The following APPL1 variants were observed in gnomAD, a reference collection of about 807,000 sequenced individuals.
APPL1 encodes the protein adaptor protein, phosphotyrosine interacting with PH domain and leucine zipper 1, also known as DCC-interacting protein 13-alpha.
In APPL1, 42 loss-of-function variants were observed where a neutral mutation model predicts 106.8. That is an observed-to-expected ratio of 0.39 (90% confidence interval 0.31 to 0.51). The LOEUF is 0.51. APPL1 is among the 20% of genes least tolerant of loss of function. The pLI, the probability that APPL1 is intolerant of heterozygous loss-of-function variation, is 0.75. For missense variants in APPL1, 769 were observed against 858.2 expected, an observed-to-expected ratio of 0.90 and a Z score of 1.30; for synonymous variants, 263 against 281.8, an observed-to-expected ratio of 0.93 and a Z score of 0.67.
At position 57,260,722 on chromosome 3, in the gene APPL1, G is replaced by A. The variant is rs2060860786; in HGVS notation, c.1790G>A (p.Ser597Asn). ...CGGACATCAAGCGGGAGAAGTGAAA[G>A]TAATCTGTCATCAGTCTGCTATATA... Reference protein sequence around the residue: ...VLRTSSGRSESNLSSVCYIFE... With the variant: ...VLRTSSGRSENNLSSVCYIFE... Residue 597 changes from serine to asparagine, a missense_variant, in exon 19 of 22, where the codon AGT becomes AAT. Coordinates refer to ENST00000288266, the MANE Select transcript of APPL1 (RefSeq NM_012096.3). The A allele has an allele frequency of 1.2e-6, 2 of 1,612,568 alleles. No individual in the cohort carries two copies. The highest frequency in any genetic ancestry group is 8.5e-7 in the Non-Finnish European group (1 of 1,179,074).
chr3:57,238,101 A>G lies in APPL1; in HGVS notation c.270A>G (p.Ser90=). ...EVMSSTLQQF[S]KVIDELSSCH... ...TGAGCTCTACATTGCAACAGTTTTC[A>G]AAAGTTATAGATGAGGTAAACGTTT... The change falls in exon 4 of 22, where the codon TCA becomes TCG. Residue 90 remains serine, a synonymous_variant. Transcript: ENST00000288266. 2 of 1,610,848 alleles carry G rather than the reference A, an allele frequency of 1.2e-6. No individual in the cohort carries two copies. Among genetic ancestry groups the G allele is most frequent in the East Asian group, 2.2e-5 (1 of 44,784 alleles).
rs1230556409 is a variant in APPL1, at chr3:57,270,923, A to T, written c.*1236A>T. 1.3e-5 allele frequency: 2 copies of T among 152,174 alleles called. No homozygotes were observed. Among genetic ancestry groups the T allele is most frequent in the Non-Finnish European group, 2.9e-5 (2 of 68,008 alleles). 9.4% of individuals were successfully genotyped at this position (152,174 alleles called of 1,614,324 possible). A position where few individuals can be genotyped will look rare whatever the true frequency, so the allele number is the denominator to read the frequency against. The stretch of plus-strand genomic sequence containing the variant: ...GCCAAGGTTAAAATAACATTTCTCT[A>T]CTGCCTATTGTTTATGTTAAACCTT... On this transcript the variant is annotated 3_prime_UTR_variant, in exon 22 of 22. Coordinates refer to ENST00000288266, the MANE Select transcript of APPL1 (RefSeq NM_012096.3).
intron 12 of APPL1, among the ~76,000 whole-genome samples, chr3:57,252,733 A>C (rs895970752): frequency 6.6e-6 from 1 of 152,218 alleles, no homozygotes; most frequent in Non-Finnish European, 1.5e-5. Context: ...GAAATGAAAG[A>C]TAGAAAAACA....
At chr3:57,256,493 C>T (rs1256073271) in intron 13 of APPL1, among the ~76,000 whole-genome samples, 2 of 152,090 alleles carry the variant, frequency 1.3e-5, no homozygotes, top group Non-Finnish European at 2.9e-5. Context: ...GAAAACTTTA[C>T]CAGCATAGTT....
Position 57,253,689 on chromosome 3 carries a change from G to T in APPL1, c.1103G>T (p.Cys368Phe). 1 of 1,445,954 alleles carries T rather than the reference G, an allele frequency of 6.9e-7. No individual in the cohort carries two copies. Among genetic ancestry groups the T allele is most frequent in the Non-Finnish European group, 9.2e-7 (1 of 1,091,882 alleles). 89.6% of individuals were successfully genotyped at this position (1,445,954 alleles called of 1,614,324 possible). Residue 368 changes from cysteine to phenylalanine, a missense_variant, in exon 13 of 22, where the codon TGT (cysteine) becomes TTT (phenylalanine). Transcript: ENST00000288266. ...TATTTTTTCCTCTTGCAGTGGATCT[G>T]TACAATAAACAACATATCTAAACAA... ...ESKKDHEEWI[C>F]TINNISKQIY...
At chr3:57,240,590 T>C in intron 5 of APPL1, 38 bp downstream of exon 5, 1 of 1,527,688 alleles carries the variant, frequency 6.5e-7, no homozygotes, top group Non-Finnish European at 9.1e-7. Context: ...TCATTGGCTG[T>C]GAGATCAACA....
Position 57,227,818 on chromosome 3 carries a change from G to C in APPL1, c.-66G>C, listed in dbSNP as rs1579374138. 1 of 1,357,042 alleles carries C rather than the reference G, an allele frequency of 7.4e-7. No individual in the cohort carries two copies. 84.1% of individuals were successfully genotyped at this position (1,357,042 alleles called of 1,614,324 possible). ...GGGCGGGCCGGGGTCAGCTGCGGCG[G>C]GCGGGCCGGCGCGGGGAGCTGTGGG... On this transcript the variant is annotated 5_prime_UTR_variant, in exon 1 of 22. Transcript: ENST00000288266.
chr3:57,266,240 T>G (rs578097610), intron 19 of APPL1, among the ~76,000 whole-genome samples: 1 of 152,208 alleles, frequency 6.6e-6, no homozygotes, highest in Admixed American at 6.5e-5. Flanking sequence ...CCTTCTCCTC[T>G]ATTTTTTGGA....
chr3:57,259,848 C>G lies in APPL1; in HGVS notation c.1487C>G (p.Ser496Cys). Residue 496 changes from serine to cysteine, a missense_variant, in exon 17 of 22, where the codon TCT becomes TGT. Ser to Cys is a moderately radical substitution (Grantham distance 112). Transcript: ENST00000288266. ...AATACACCTTGTTCTATTATAGATT[C>G]TATTCTTCATCAGTTATTTATTGTC... ...GGSTKSETED[S>C]ILHQLFIVRF... 6.3e-7 allele frequency: 1 copy of G among 1,586,278 alleles called. No homozygotes were observed. Among genetic ancestry groups the G allele is most frequent in the South Asian group, 1.2e-5 (1 of 85,780 alleles).
intron 16 of APPL1, among the ~76,000 whole-genome samples, chr3:57,259,460 TTG>T (rs150421675): frequency 1.4e-4 from 21 of 149,486 alleles, no homozygotes; most frequent in East Asian, 2.0e-4. Flanking sequence ...TGTTGTGTGT[TTG>T]TGTGTGTGTG....
At chr3:57,240,444 T>A (rs1486833233) in intron 4 of APPL1, 21 bp from the exon 5 acceptor site, 1 of 1,604,262 alleles carries the variant, frequency 6.2e-7, no homozygotes, top group Non-Finnish European at 8.5e-7. Flanking sequence ...TATTTGGCCT[T>A]TTTGGTCTTT....
In APPL1 at chr3:57,257,398, G is replaced by T; in HGVS notation, c.1400G>T (p.Gly467Val). The T allele has an allele frequency of 6.2e-7, 1 of 1,613,670 alleles. No homozygotes were observed. The highest frequency in any genetic ancestry group is 8.5e-7 in the Non-Finnish European group (1 of 1,179,824). Residue 467 changes from glycine to valine, a missense_variant, in exon 15 of 22, where the codon GGC becomes GTC. Gly to Val is a moderately radical substitution (Grantham distance 109). Coordinates refer to ENST00000288266, the MANE Select transcript of APPL1 (RefSeq NM_012096.3). ...IISPVCEDQP[G>V]QAKAFGQGGR... The stretch of plus-strand genomic sequence containing the variant: ...TCTCCTGTGTGTGAAGATCAGCCTG[G>T]CCAGGCAAAAGCCTTTGGCCAGGGA...
At position 57,273,265 on chromosome 3, in the gene APPL1, A is replaced by G. The variant is rs1490678742; in HGVS notation, c.*3578A>G. The G allele has an allele frequency of 6.6e-6, 1 of 152,638 alleles. No individual in the cohort carries two copies. Among genetic ancestry groups the G allele is most frequent in the Non-Finnish European group, 1.5e-5 (1 of 68,042 alleles). 9.5% of individuals were successfully genotyped at this position (152,638 alleles called of 1,614,324 possible). A position where few individuals can be genotyped will look rare whatever the true frequency, so the allele number is the denominator to read the frequency against. ...TATTAATCATGCAGTGTACAATTCA[A>G]AATCATGCAATGTTTCACTTTAGAA... On this transcript the variant is annotated 3_prime_UTR_variant, in exon 22 of 22. Transcript: ENST00000288266.
Position 57,249,306 on chromosome 3 carries a change from G to A in APPL1, c.864-54G>A, listed in dbSNP as rs1389185838. 6 of 1,588,400 alleles carry A rather than the reference G, an allele frequency of 3.8e-6. No individual in the cohort carries two copies. The African/African-American group carries it at 6.7e-5, about 18-fold the overall frequency. On this transcript the variant is annotated intron_variant, in intron 10 of 21. Transcript: ENST00000288266. ...ATGCTTTATCTTGTGTCTAGCTGAT[G>A]ATGAGATTTCAGGTATGTTGTTATT...
At chr3:57,258,122 GT>G (rs1043095550) in intron 15 of APPL1, among the ~76,000 whole-genome samples, 1 of 152,138 alleles carries the variant, frequency 6.6e-6, no homozygotes, top group Non-Finnish European at 1.5e-5. Context: ...TACTGTCAGT[GT>G]TTTTTTAGAA....
At position 57,248,297 on chromosome 3, in the gene APPL1, A is replaced by C. The variant is rs1392272370; in HGVS notation, c.809A>C (p.Lys270Thr). 1 of 1,614,110 alleles carries C rather than the reference A, an allele frequency of 6.2e-7. No individual in the cohort carries two copies. Among genetic ancestry groups the C allele is most frequent in the Admixed American group, 1.7e-5 (1 of 60,014 alleles). Reference sequence around the variant, plus strand: ...TATGTGCCTGACCCAGACCCCACCAAATTTCCTGTTAATCGAAATTTAACC... The same window carrying C: ...TATGTGCCTGACCCAGACCCCACCACATTTCCTGTTAATCGAAATTTAACC... ...PLYVPDPDPT[K>T]FPVNRNLTRK... Residue 270 changes from lysine (K) to threonine (T), a missense_variant, in exon 10 of 22, where the codon AAA becomes ACA. Lys to Thr is a moderately conservative substitution (Grantham distance 78). Coordinates refer to ENST00000288266, the MANE Select transcript of APPL1 (RefSeq NM_012096.3).
At chr3:57,265,612 G>A (rs549402209) in intron 19 of APPL1, among the ~76,000 whole-genome samples, 2 of 152,314 alleles carry the variant, frequency 1.3e-5, no homozygotes, top group African/African-American at 4.8e-5. Flanking sequence ...TTTGTATCCT[G>A]AAACTTTACT....
intron 12 of APPL1, among the ~76,000 whole-genome samples, 157 bp from the exon 13 acceptor site, chr3:57,253,525 T>C (rs1270420542): frequency 1.3e-5 from 2 of 151,992 alleles, no homozygotes; most frequent in Non-Finnish European, 2.9e-5. Flanking sequence ...AATATATTAC[T>C]TCTAATGAAA....
At chr3:57,237,726 C>G (rs2060723917) in intron 3 of APPL1, among the ~76,000 whole-genome samples, 175 bp downstream of exon 3, 1 of 152,078 alleles carries the variant, frequency 6.6e-6, no homozygotes, top group South Asian at 2.1e-4. Flanking sequence ...CAGAGGCTAT[C>G]TAGTTTACTT....
Sources: allele counts gnomAD v4.1 joint callset (sites outside exome capture counted in the v4.1 genomes callset), GRCh38; gene constraint gnomAD v4.1.1; transcripts MANE v1.5; gene names NCBI Gene and HGNC (gene_info 2026-07-23, HGNC 2026-07-21).